KCNJ6: variants seen among roughly 807,000 people sequenced by gnomAD.
KCNJ6 encodes the protein potassium inwardly rectifying channel subfamily J member 6, also known as G protein-activated inward rectifier potassium channel 2.
KCNJ6 carries 9 observed loss-of-function variants against 34.2 expected under a neutral mutation model. The observed-to-expected ratio is 0.26, with a 90% confidence interval of 0.16 to 0.46. The LOEUF is 0.46. Ranked by LOEUF, KCNJ6 falls within the 20% of genes least tolerant of loss-of-function variation. KCNJ6 has a pLI of 1.00. For synonymous variants in KCNJ6, 196 were observed against 207.1 expected (o/e 0.95, Z 0.46); for missense variants, 236 against 531.3 (o/e 0.44, Z 5.46).
intron 2 of KCNJ6, among the ~76,000 whole-genome samples, chr21:37,745,157 A>G (rs950197514): frequency 1.4e-5 from 2 of 142,948 alleles, no homozygotes; most frequent in Non-Finnish European, 3.0e-5. Context: ...TGGTGGTGCA[A>G]TTAGGGCTCA....
intron 1 of KCNJ6, among the ~76,000 whole-genome samples, chr21:37,898,088 T>A (rs1012914397): frequency 6.6e-6 from 1 of 152,166 alleles, no homozygotes; most frequent in Admixed American, 6.6e-5. Context: ...GGAGGCTCGA[T>A]GAAGTATCCG....
At chr21:37,660,206 C>A (rs1474789219) in intron 3 of KCNJ6, among the ~76,000 whole-genome samples, 1 of 152,210 alleles carries the variant, frequency 6.6e-6, no homozygotes, top group African/African-American at 2.4e-5. Flanking sequence ...CACCTACACT[C>A]TCTTCCTTTT....
At chr21:37,846,078 G>A (rs1196806802) in intron 1 of KCNJ6, among the ~76,000 whole-genome samples, 2 of 152,282 alleles carry the variant, frequency 1.3e-5, no homozygotes, top group East Asian at 3.9e-4. Context: ...CTCGGGTAGA[G>A]CATTGACTTT....
At chr21:37,710,420 G>C (rs2054745449) in intron 3 of KCNJ6, among the ~76,000 whole-genome samples, 1 of 152,194 alleles carries the variant, frequency 6.6e-6, no homozygotes, top group Admixed American at 6.5e-5. Context: ...ATAATCACTG[G>C]AGCAGAATGA....
intron 2 of KCNJ6, among the ~76,000 whole-genome samples, chr21:37,832,051 A>G (rs1397668847): frequency 6.6e-6 from 1 of 152,122 alleles, no homozygotes; most frequent in Non-Finnish European, 1.5e-5. Flanking sequence ...GTAGGGACAT[A>G]GCAATGTTTT....
At chr21:37,627,798 G>T (rs1364665340) in intron 3 of KCNJ6, among the ~76,000 whole-genome samples, 2 of 84,254 alleles carry the variant, frequency 2.4e-5, no homozygotes, top group African/African-American at 9.5e-5. Flanking sequence ...CAAGTAGGAG[G>T]TGAAGGTTAA....
intron 1 of KCNJ6, among the ~76,000 whole-genome samples, chr21:37,907,602 C>T (rs941829167): frequency 6.6e-5 from 10 of 152,216 alleles, no homozygotes; most frequent in African/African-American, 2.4e-4. Context: ...TACCTCTGCC[C>T]CGCTCTGACT....
chr21:37,649,855 C>A (rs1021993954), intron 3 of KCNJ6, among the ~76,000 whole-genome samples: 1 of 152,170 alleles, frequency 6.6e-6, no homozygotes, highest in Non-Finnish European at 1.5e-5. Flanking sequence ...CAGGTTCACG[C>A]CATTCTCCTG....
chr21:37,852,441 C>A (rs1171510052), intron 1 of KCNJ6, among the ~76,000 whole-genome samples: 1 of 152,100 alleles, frequency 6.6e-6, no homozygotes. Flanking sequence ...ATGAGGTGCC[C>A]CCTCCTATCC....
At chr21:37,845,106 T>C (rs2836021) in intron 1 of KCNJ6, among the ~76,000 whole-genome samples, 29,791 of 152,170 alleles carry the variant, frequency 0.2, 3,005 homozygotes, top group South Asian at 0.29. Flanking sequence ...GTCAGCAACA[T>C]GAAGAGGATA....
intron 2 of KCNJ6, among the ~76,000 whole-genome samples, chr21:37,836,827 G>A (rs897450571): frequency 7.2e-5 from 11 of 152,070 alleles, no homozygotes; most frequent in Non-Finnish European, 2.9e-5. Context: ...ACCATGGCAT[G>A]TGTATACCTC....
intron 2 of KCNJ6, among the ~76,000 whole-genome samples, chr21:37,801,843 G>T (rs1484651767): frequency 6.6e-6 from 1 of 152,122 alleles, no homozygotes; most frequent in African/African-American, 2.4e-5. Flanking sequence ...ATTTTATTTG[G>T]TATTTCTCAA....
intron 2 of KCNJ6, among the ~76,000 whole-genome samples, chr21:37,721,881 C>T (rs1248532049): frequency 3.9e-5 from 6 of 152,192 alleles, no homozygotes; most frequent in African/African-American, 1.4e-4. Flanking sequence ...TATGTGCTTG[C>T]TTCCTGATGG....
At chr21:37,669,888 A>G (rs1247327248) in intron 3 of KCNJ6, among the ~76,000 whole-genome samples, 2 of 152,080 alleles carry the variant, frequency 1.3e-5, no homozygotes, top group African/African-American at 4.8e-5. Context: ...TTATATTTAT[A>G]TTTTTCTTTT....
At position 37,625,158 on chromosome 21, in the gene KCNJ6, A is replaced by C; in HGVS notation, c.*1T>G. On this transcript the variant is annotated 3_prime_UTR_variant, in exon 4 of 4. Transcript: ENST00000609713. ...AGAGAAGGGTTTGCCCAGCTAGGGC[A>C]CTAAACTTTGGATTCATTCTCCAGG... is the stretch of plus-strand genomic sequence containing the variant. 1 of 1,610,972 alleles carries C rather than the reference A, an allele frequency of 6.2e-7. No homozygotes were observed. Among genetic ancestry groups the C allele is most frequent in the South Asian group, 1.1e-5 (1 of 90,856 alleles).
intron 3 of KCNJ6, among the ~76,000 whole-genome samples, chr21:37,713,055 C>CA (rs1485458488): frequency 6.6e-6 from 1 of 152,046 alleles, no homozygotes; most frequent in African/African-American, 2.4e-5. Flanking sequence ...AACCCTATAG[C>CA]AAAAGTTTCA....
intron 3 of KCNJ6, among the ~76,000 whole-genome samples, chr21:37,650,032 G>C (rs889165643): frequency 1.3e-5 from 2 of 151,772 alleles, no homozygotes; most frequent in African/African-American, 4.9e-5. Flanking sequence ...CAAAGTGCTG[G>C]GATTACAGGT....
chr21:37,721,124 T>C (rs140520169), intron 2 of KCNJ6, among the ~76,000 whole-genome samples: 1 of 152,212 alleles, frequency 6.6e-6, no homozygotes, highest in Non-Finnish European at 1.5e-5. Context: ...AGGACTTGAA[T>C]AGACATCTCT....
intron 2 of KCNJ6, among the ~76,000 whole-genome samples, chr21:37,789,510 T>C (rs572440108): frequency 6.6e-6 from 1 of 152,310 alleles, no homozygotes; most frequent in African/African-American, 2.4e-5. Flanking sequence ...CCTAGAATTG[T>C]GAGAGAATAG....
Sources: allele counts gnomAD v4.1 joint callset (sites outside exome capture counted in the v4.1 genomes callset), GRCh38; gene constraint gnomAD v4.1.1; transcripts MANE v1.5; gene names NCBI Gene and HGNC (gene_info 2026-07-23, HGNC 2026-07-21).